The following ADAMTSL1 variants were observed in gnomAD, a reference collection of about 807,000 sequenced individuals.
ADAMTSL1 encodes the protein ADAMTS like 1, also known as ADAMTS-like protein 1.
A neutral mutation model predicts 201.8 loss-of-function variants in ADAMTSL1; 126 were observed. The observed-to-expected ratio is 0.62, with a 90% CI of 0.54 to 0.72. ADAMTSL1 has a LOEUF of 0.72. ADAMTSL1 is among the 30% of genes least tolerant of loss of function. The pLI is 0.00. For synonymous variants in ADAMTSL1, 1,121 were observed against 903.4 expected (o/e 1.24, Z -4.32); for missense variants, 2,679 against 2,277.8 (o/e 1.18, Z -3.59).
chr9:18,175,520 A>G (rs1828104073), intron 2 of ADAMTSL1, among the ~76,000 whole-genome samples: 1 of 152,158 alleles, frequency 6.6e-6, no homozygotes, highest in African/African-American at 2.4e-5. Flanking sequence ...TCTGATTCCT[A>G]CTTAACTCTA....
intron 1 of ADAMTSL1, among the ~76,000 whole-genome samples, chr9:18,489,203 A>G (rs1484418971): frequency 1.3e-5 from 2 of 152,202 alleles, no homozygotes; most frequent in Non-Finnish European, 2.9e-5. Flanking sequence ...AAAACCTCTT[A>G]ACTGTTAGTG....
Position 18,717,002 on chromosome 9 carries a change from C to T in ADAMTSL1, c.1877-4534C>T, listed in dbSNP as rs1374765833. Reference sequence around the variant, plus strand: ...CTATCGCAAGAACAAAAAACCAAACCGCATATTCTCACTCATAGGTGGGAA... The same window carrying T: ...CTATCGCAAGAACAAAAAACCAAACTGCATATTCTCACTCATAGGTGGGAA... On this transcript the variant is annotated intron_variant, in intron 14 of 28. Transcript: ENST00000380548. 7.8e-5 allele frequency among the ~76,000 whole-genome samples: 10 copies of T among 127,984 alleles called. 1 individual carries two copies. Among genetic ancestry groups the T allele is most frequent in the South Asian group, 4.7e-4 (2 of 4,252 alleles). The allele number at this position is 127,984 out of a possible 152,430, so 84.0% of individuals were successfully genotyped here. A position where few individuals can be genotyped will look rare whatever the true frequency, so the allele number is the denominator to read the frequency against.
At position 18,353,411 on chromosome 9, in the gene ADAMTSL1, A is replaced by G. The variant is rs151037553; in HGVS notation, c.208-151418A>G. On this transcript the variant is annotated intron_variant, in intron 2 of 29. Coordinates refer to the ADAMTSL1 transcript ENST00000680146. ...ATTTATTCCCACATGAACTGGATCA[A>G]TAACTTTACATACTTTTGAGATAAA... Among the ~76,000 whole-genome samples, 389 of 152,348 alleles carry G rather than the reference A, an allele frequency of 2.6e-3. 3 individuals carry two copies. The highest frequency in any genetic ancestry group is 0.013 in the South Asian group (62 of 4,830).
At chr9:18,072,920 C>T (rs527834497) in intron 1 of ADAMTSL1, among the ~76,000 whole-genome samples, 2 of 152,062 alleles carry the variant, frequency 1.3e-5, no homozygotes, top group Admixed American at 6.6e-5. Context: ...ATTTGTTGTC[C>T]ATTTGCAGCT....
chr9:18,672,419 CAG>C (rs1351441373), intron 9 of ADAMTSL1, among the ~76,000 whole-genome samples: 2 of 151,996 alleles, frequency 1.3e-5, no homozygotes, highest in Non-Finnish European at 2.9e-5. Flanking sequence ...GCTTAGAAAA[CAG>C]AAAAACATTT....
At chr9:18,790,720 T>A (rs1469997720) in intron 19 of ADAMTSL1, among the ~76,000 whole-genome samples, 1 of 152,172 alleles carries the variant, frequency 6.6e-6, no homozygotes, top group Non-Finnish European at 1.5e-5. Flanking sequence ...TATTGTCACA[T>A]AGAAGCTTAC....
intron 4 of ADAMTSL1, among the ~76,000 whole-genome samples, chr9:18,611,295 C>T (rs1178059225): frequency 6.6e-6 from 1 of 152,134 alleles, no homozygotes; most frequent in African/African-American, 2.4e-5. Flanking sequence ...GAGGTCAGGC[C>T]TTTGTATAAT....
At chr9:18,190,866 T>A (rs1460505679) in intron 2 of ADAMTSL1, among the ~76,000 whole-genome samples, 1 of 152,128 alleles carries the variant, frequency 6.6e-6, no homozygotes. Context: ...AGTGGCGCTA[T>A]GTCTTTGCCA....
Position 18,681,822 on chromosome 9 carries a change from C to T in ADAMTSL1, c.1352C>T (p.Thr451Ile), listed in dbSNP as rs1174498936. Residue 451 changes from threonine to isoleucine, a missense_variant, in exon 12 of 29, where the codon ACA (threonine) becomes ATA (isoleucine). Transcript: ENST00000380548. ...LAQEWSPCTV[T>I]CGQGLRYRVV... ...GCAATCTCTTTCCAGTGCACAGTGA[C>T]ATGTGGCCAGGGCCTCAGATACCGT... The T allele has an allele frequency of 6.2e-7, 1 of 1,612,028 alleles. No homozygotes were observed. The highest frequency in any genetic ancestry group is 8.5e-7 in the Non-Finnish European group (1 of 1,178,812).
intron 1 of ADAMTSL1, among the ~76,000 whole-genome samples, chr9:18,496,425 G>A (rs1257370119): frequency 6.6e-6 from 1 of 152,164 alleles, no homozygotes; most frequent in Non-Finnish European, 1.5e-5. Flanking sequence ...CATGAGTATA[G>A]GAATAGAACC....
At chr9:18,314,574 G>C (rs1465285981) in intron 2 of ADAMTSL1, among the ~76,000 whole-genome samples, 1 of 151,672 alleles carries the variant, frequency 6.6e-6, no homozygotes, top group Non-Finnish European at 1.5e-5. Flanking sequence ...CTCCCGTCTG[G>C]AGTTGTTCAT....
intron 22 of ADAMTSL1, 134 bp downstream of exon 22, chr9:18,826,597 A>C (rs1304174373): frequency 9.2e-7 from 1 of 1,084,752 alleles, no homozygotes; most frequent in Non-Finnish European, 1.3e-6. Flanking sequence ...ACTTCTTCCC[A>C]ATTTAGGGCC....
intron 2 of ADAMTSL1, among the ~76,000 whole-genome samples, chr9:18,201,118 G>GT (rs1466778543): frequency 6.6e-6 from 1 of 152,024 alleles, no homozygotes; most frequent in East Asian, 1.9e-4. Context: ...TAAGATGTCA[G>GT]TTTTTTACTG....
intron 3 of ADAMTSL1, among the ~76,000 whole-genome samples, chr9:18,563,753 T>A (rs1232158348): frequency 6.6e-6 from 1 of 152,174 alleles, no homozygotes; most frequent in Non-Finnish European, 1.5e-5. Flanking sequence ...TACAGCAGCT[T>A]TGCGTAGCTG....
intron 2 of ADAMTSL1, among the ~76,000 whole-genome samples, chr9:18,277,752 A>T (rs998225192): frequency 6.6e-6 from 1 of 152,182 alleles, no homozygotes; most frequent in African/African-American, 2.4e-5. Context: ...TCACTGGAGA[A>T]TTTAATCTAT....
At chr9:18,515,176 G>GACATCAGT (rs781542083) in intron 2 of ADAMTSL1, among the ~76,000 whole-genome samples, 65 of 152,224 alleles carry the variant, frequency 4.3e-4, no homozygotes, top group Middle Eastern at 3.4e-3. Context: ...GTAGATTCCT[G>GACATCAGT]ACATCAGTAA....
intron 2 of ADAMTSL1, among the ~76,000 whole-genome samples, chr9:18,272,420 C>G (rs1366190285): frequency 6.6e-6 from 1 of 152,182 alleles, no homozygotes; most frequent in Non-Finnish European, 1.5e-5. Flanking sequence ...AAAGCTGAAA[C>G]TGGATTCCTT....
chr9:18,533,624 A>T lies in ADAMTSL1; in HGVS notation c.237+332A>T, dbSNP rs1019710720. ...AACCAGTTGGGGTATCATGAAATAAATATTTGTAAATCAAACTCAGATTTG... is the reference window on the plus strand; with the variant it reads ...AACCAGTTGGGGTATCATGAAATAATTATTTGTAAATCAAACTCAGATTTG... On this transcript the variant is annotated intron_variant, in intron 3 of 28. Coordinates refer to ENST00000380548, the MANE Select transcript of ADAMTSL1 (RefSeq NM_001040272.6). Among the ~76,000 whole-genome samples the T allele has an allele frequency of 2.6e-5, 4 of 152,222 alleles. No homozygotes were observed. In the East Asian group the frequency reaches 7.7e-4, roughly 29 times the overall value.
At chr9:18,709,216 T>C in intron 14 of ADAMTSL1, among the ~76,000 whole-genome samples, 1 of 152,192 alleles carries the variant, frequency 6.6e-6, no homozygotes, top group Non-Finnish European at 1.5e-5. Context: ...ATATGGTCCA[T>C]ATGATGCCCA....
Sources: allele counts gnomAD v4.1 joint callset (sites outside exome capture counted in the v4.1 genomes callset), GRCh38; gene constraint gnomAD v4.1.1; transcripts MANE v1.5; gene names NCBI Gene and HGNC (gene_info 2026-07-23, HGNC 2026-07-21).